Variants in PCSK5 observed in about 807,000 individuals in gnomAD.
PCSK5 encodes proprotein convertase subtilisin/kexin type 5, also known as prohormone convertase 5.
Under a neutral mutation model 233.2 loss-of-function variants are expected in PCSK5, and 129 were observed. That is an observed-to-expected ratio of 0.55 (90% CI 0.48 to 0.64). PCSK5 has a LOEUF of 0.64. Among genes scored for constraint, PCSK5 ranks in the 30% least tolerant of loss-of-function variants. PCSK5 has a pLI of 0.00. For synonymous variants in PCSK5, 825 were observed against 879.2 expected, an observed-to-expected ratio of 0.94 and a Z score of 1.09; for missense variants, 2,076 against 2,430.1, an observed-to-expected ratio of 0.85 and a Z score of 3.06.
chr9:76,192,902 ACT>A (rs3077115), intron 20 of PCSK5, among the ~76,000 whole-genome samples: 4,048 of 151,774 alleles, frequency 0.027, 152 homozygotes, highest in East Asian at 0.12. Flanking sequence ...ATGACTGTAT[ACT>A]CTCTGCTCTA....
rs189634506 is a variant in PCSK5 at position 76,302,362 on chromosome 9, C to T, written c.3604+145C>T. ...AGAGGTCATTAGAAAAAGTTGGAGA[C>T]AGGAGGGGCAATAAACACAACATAT... On this transcript the variant is annotated intron_variant, in intron 28 of 37. Transcript: ENST00000674117. 6.7e-4 allele frequency: 224 copies of T among 331,928 alleles called. 1 individual carries two copies. The highest frequency in any genetic ancestry group is 7.4e-4 in the Non-Finnish European group (125 of 168,420). The allele number at this position is 331,928 out of a possible 1,614,324, so 20.6% of individuals were successfully genotyped here. A position where few individuals can be genotyped will look rare whatever the true frequency, so the allele number is the denominator to read the frequency against.
intron 1 of PCSK5, among the ~76,000 whole-genome samples, chr9:75,916,148 C>G (rs1822978455): frequency 6.6e-6 from 1 of 152,164 alleles, no homozygotes; most frequent in South Asian, 2.1e-4. Flanking sequence ...TAAAGTTAAT[C>G]AGGTCAGGGT....
chr9:76,314,840 C>G (rs1431061919), intron 30 of PCSK5, among the ~76,000 whole-genome samples: 1 of 151,924 alleles, frequency 6.6e-6, no homozygotes. Context: ...GGGGTTTCAC[C>G]GTGTTGGCCA....
chr9:76,027,498 A>T (rs962294319), intron 5 of PCSK5, among the ~76,000 whole-genome samples: 20 of 152,094 alleles, frequency 1.3e-4, no homozygotes, highest in African/African-American at 4.6e-4. Flanking sequence ...TTTTTCACTA[A>T]TATACCTGAA....
chr9:76,323,466 C>G (rs753567695), intron 32 of PCSK5, among the ~76,000 whole-genome samples, 178 bp downstream of exon 32: 4 of 152,130 alleles, frequency 2.6e-5, no homozygotes, highest in Non-Finnish European at 5.9e-5. Flanking sequence ...TCACTGAAGC[C>G]TCCGCCTCCT....
intron 24 of PCSK5, among the ~76,000 whole-genome samples, chr9:76,277,797 G>C (rs952770807): frequency 6.6e-6 from 1 of 152,114 alleles, no homozygotes; most frequent in Non-Finnish European, 1.5e-5. Flanking sequence ...AATTCTAAGT[G>C]CAAGACCTAT....
intron 10 of PCSK5, among the ~76,000 whole-genome samples, chr9:76,136,743 G>A (rs1327188282): frequency 6.6e-6 from 1 of 151,878 alleles, no homozygotes; most frequent in Non-Finnish European, 1.5e-5. Context: ...AAAAAAATAG[G>A]AGAACAATTT....
intron 30 of PCSK5, among the ~76,000 whole-genome samples, chr9:76,312,770 C>A (rs565077375): frequency 6.6e-6 from 1 of 151,970 alleles, no homozygotes; most frequent in African/African-American, 2.4e-5. Context: ...ATTGTATATG[C>A]GTAGCTCAGT....
At chr9:76,266,070 A>G (rs373560705) in intron 24 of PCSK5, among the ~76,000 whole-genome samples, 1 of 152,196 alleles carries the variant, frequency 6.6e-6, no homozygotes, top group African/African-American at 2.4e-5. Flanking sequence ...AGAGCTTTCA[A>G]AATTAGTATA....
chr9:76,318,611 G>T lies in PCSK5; in HGVS notation c.3885-2811G>T, dbSNP rs1829102082. Among the ~76,000 whole-genome samples the T allele has an allele frequency of 2.0e-5, 3 of 152,086 alleles. 1 individual carries two copies. The South Asian group carries it at 6.2e-4, about 32-fold the overall frequency. ...TACAATGGGATAGTTTAATCACTGG[G>T]GTTCTATATACACAGACATAAGATT... On this transcript the variant is annotated intron_variant, in intron 30 of 37. Transcript: ENST00000674117.
intron 13 of PCSK5, among the ~76,000 whole-genome samples, chr9:76,170,545 C>G (rs1823288757): frequency 6.6e-6 from 1 of 152,220 alleles, no homozygotes. Flanking sequence ...CAGAGCCCTA[C>G]AGAGTGGCTC....
intron 3 of PCSK5, among the ~76,000 whole-genome samples, chr9:75,993,114 A>G (rs1055452310): frequency 6.6e-6 from 1 of 152,146 alleles, no homozygotes; most frequent in Non-Finnish European, 1.5e-5. Flanking sequence ...AGTTTGTGGC[A>G]TTATTGTCCT....
chr9:76,221,913 A>G (rs1270853646), intron 20 of PCSK5, among the ~76,000 whole-genome samples: 1 of 152,186 alleles, frequency 6.6e-6, no homozygotes, highest in Admixed American at 6.5e-5. Flanking sequence ...GGGACCAGGA[A>G]GGATAAGTCT....
chr9:75,952,031 C>T (rs1263336873), intron 2 of PCSK5, among the ~76,000 whole-genome samples: 1 of 152,198 alleles, frequency 6.6e-6, no homozygotes, highest in African/African-American at 2.4e-5. Context: ...CATCACTATA[C>T]TTAACCACCT....
At chr9:76,263,463 T>C (rs974220380) in intron 24 of PCSK5, among the ~76,000 whole-genome samples, 1 of 152,104 alleles carries the variant, frequency 6.6e-6, no homozygotes. Context: ...AAATGACGAG[T>C]TCGTGTCCTT....
chr9:75,938,141 G>A lies in PCSK5; in HGVS notation c.297+5658G>A, dbSNP rs956581986. ...TGGGTTTCTGCCTATGCTGGCTTTC[G>A]ACATGTCTTTCTTACCAAGTGTAAT... is the stretch of plus-strand genomic sequence containing the variant. On this transcript the variant is annotated intron_variant, in intron 2 of 37. Coordinates refer to ENST00000674117, the MANE Select transcript of PCSK5 (RefSeq NM_001372043.1). Among the ~76,000 whole-genome samples, 8 of 152,258 alleles carry A rather than the reference G, an allele frequency of 5.3e-5. No individual in the cohort carries two copies. The East Asian group carries it at 9.6e-4, about 18-fold the overall frequency.
intron 5 of PCSK5, among the ~76,000 whole-genome samples, chr9:76,052,987 A>G (rs993189176): frequency 1.3e-5 from 2 of 152,226 alleles, no homozygotes; most frequent in African/African-American, 4.8e-5. Flanking sequence ...CTTTGACTCC[A>G]TGTCTCACAT....
chr9:76,320,391 T>G (rs1829156840), intron 30 of PCSK5, among the ~76,000 whole-genome samples: 1 of 137,122 alleles, frequency 7.3e-6, no homozygotes, highest in African/African-American at 2.7e-5. Context: ...GATCGTGCCA[T>G]GCACTCCAGC....
rs1827902796 is a variant in PCSK5, at chr9:76,015,282, C to T, written c.412-8456C>T. On this transcript the variant is annotated intron_variant, in intron 3 of 37. Coordinates refer to ENST00000674117, the MANE Select transcript of PCSK5 (RefSeq NM_001372043.1). ...CCTCAACAGATCAGATGATGCCCAC[C>T]CACATTGTGTGGACAGTTTTCTTTT... is the stretch of plus-strand genomic sequence containing the variant. 2.0e-5 allele frequency among the ~76,000 whole-genome samples: 3 copies of T among 152,170 alleles called. No homozygotes were observed. In the South Asian group the frequency reaches 6.2e-4, roughly 32 times the overall value.
Sources: gnomAD v4.1 joint callset for allele counts (sites outside exome capture counted in the v4.1 genomes callset) on GRCh38, gnomAD v4.1.1 for gene constraint, MANE v1.5 for transcripts, NCBI Gene and HGNC (gene_info 2026-07-23, HGNC 2026-07-21) for gene names.